Variants in MAGI2 observed in about 807,000 individuals in gnomAD.
MAGI2 encodes membrane-associated guanylate kinase, WW and PDZ domain-containing protein 2.
MAGI2 carries 35 observed loss-of-function variants against 133.3 expected under a neutral mutation model. That is an observed-to-expected ratio of 0.26 (90% CI 0.20 to 0.35). The LOEUF is 0.35. Among genes scored for constraint, MAGI2 ranks in the 10% least tolerant of loss-of-function variants. MAGI2 has a pLI of 1.00. For missense variants in MAGI2, 1,636 were observed against 1,863.4 expected (o/e 0.88, Z 2.25); for synonymous variants, 729 against 710.6 (o/e 1.03, Z -0.41).
At chr7:78,204,238 A>ATTTC in intron 10 of MAGI2, among the ~76,000 whole-genome samples, 1 of 152,302 alleles carries the variant, frequency 6.6e-6, no homozygotes, top group East Asian at 1.9e-4. Flanking sequence ...TGCTTGCTAA[A>ATTTC]TTTCGCCTTT....
At chr7:78,565,329 G>T (rs1344675500) in intron 3 of MAGI2, among the ~76,000 whole-genome samples, 2 of 151,966 alleles carry the variant, frequency 1.3e-5, no homozygotes, top group Non-Finnish European at 2.9e-5. Context: ...GTGGGGCATG[G>T]TGGCATGCTC....
At chr7:78,453,671 A>G (rs1788977962) in intron 6 of MAGI2, among the ~76,000 whole-genome samples, 1 of 152,170 alleles carries the variant, frequency 6.6e-6, no homozygotes, top group Admixed American at 6.5e-5. Flanking sequence ...CTGAACAGTT[A>G]TCATGTGTCA....
rs11421346 is a variant in MAGI2, at chr7:79,055,285, C to CTT, written c.302-48081_302-48080dup. Among the ~76,000 whole-genome samples, 1,263 of 148,500 alleles carry CTT rather than the reference C, an allele frequency of 8.5e-3. 36 individuals are homozygous for CTT. Among genetic ancestry groups the CTT allele is most frequent in the Admixed American group, 0.058 (868 of 14,920 alleles). On this transcript the variant is annotated intron_variant, in intron 1 of 21. Transcript: ENST00000354212. The stretch of plus-strand genomic sequence containing the variant: ...AAACATAAACTTTGTAAGGGCATGC[C>CTT]TTTTTTTTTTTAACTGTTTACTGAT...
chr7:78,258,806 C>A (rs530177379), intron 9 of MAGI2, among the ~76,000 whole-genome samples: 3 of 152,054 alleles, frequency 2.0e-5, no homozygotes, highest in Non-Finnish European at 4.4e-5. Context: ...TTAGTGATGG[C>A]TATATTACTA....
chr7:79,034,197 T>C (rs17151881), intron 1 of MAGI2, among the ~76,000 whole-genome samples: 53,942 of 151,206 alleles, frequency 0.36, 9,809 homozygotes, highest in African/African-American at 0.44. Flanking sequence ...AGGCTGATGA[T>C]ATTGCATAAA....
At chr7:78,539,434 T>C (rs1798228221) in intron 3 of MAGI2, among the ~76,000 whole-genome samples, 1 of 152,160 alleles carries the variant, frequency 6.6e-6, no homozygotes, top group Non-Finnish European at 1.5e-5. Context: ...TGTTGAGAAT[T>C]TTTGTATCTA....
At chr7:78,151,943 A>G (rs1166692604) in intron 16 of MAGI2, among the ~76,000 whole-genome samples, 1 of 152,192 alleles carries the variant, frequency 6.6e-6, no homozygotes, top group East Asian at 1.9e-4. Flanking sequence ...CATAAATGGC[A>G]TGAAAATCCT....
intron 2 of MAGI2, among the ~76,000 whole-genome samples, chr7:78,668,021 C>T (rs321988): frequency 0.9 from 136,689 of 152,098 alleles, 61,634 homozygotes; most frequent in East Asian, 1. Flanking sequence ...TGTAAAAGTG[C>T]TCCTATTTCT....
At chr7:78,115,828 A>C (rs1305778359) in intron 20 of MAGI2, among the ~76,000 whole-genome samples, 1 of 152,244 alleles carries the variant, frequency 6.6e-6, no homozygotes, top group East Asian at 1.9e-4. Context: ...TCCATCAAAA[A>C]AAGTCAACTG....
intron 6 of MAGI2, among the ~76,000 whole-genome samples, chr7:78,377,841 AG>A (rs1794592054): frequency 1.3e-5 from 2 of 151,370 alleles, no homozygotes; most frequent in Admixed American, 6.6e-5. Flanking sequence ...AAAAAAAAAG[AG>A]CAGACTATTT....
intron 1 of MAGI2, among the ~76,000 whole-genome samples, chr7:79,091,966 T>G (rs1394379846): frequency 1.3e-5 from 2 of 152,088 alleles, no homozygotes; most frequent in African/African-American, 4.8e-5. Flanking sequence ...TTGCTGATTC[T>G]GTTGTAAACC....
intron 9 of MAGI2, among the ~76,000 whole-genome samples, chr7:78,297,391 C>G (rs1797368609): frequency 6.6e-6 from 1 of 152,054 alleles, no homozygotes; most frequent in Non-Finnish European, 1.5e-5. Flanking sequence ...GGACTGCAAA[C>G]TAGTTCAACC....
intron 4 of MAGI2, among the ~76,000 whole-genome samples, chr7:78,506,217 G>A (rs771570926): frequency 6.6e-6 from 1 of 152,100 alleles, no homozygotes; most frequent in Admixed American, 6.5e-5. Flanking sequence ...TTAGAGGGTA[G>A]ATTTTATAAC....
chr7:78,980,808 T>C (rs569569946), intron 2 of MAGI2, among the ~76,000 whole-genome samples: 1 of 151,928 alleles, frequency 6.6e-6, no homozygotes, highest in East Asian at 1.9e-4. Flanking sequence ...TTGGAGTATA[T>C]TGTTTACTAG....
rs544244979 is a variant in MAGI2 at position 78,568,934 on chromosome 7, C to G, written c.539-47289G>C. The stretch of plus-strand genomic sequence containing the variant: ...CCTGACTTCCTTGCTATTCCTTGAC[C>G]GTTCTGCACATGCTCTTCCCTCAGG... On this transcript the variant is annotated intron_variant, in intron 3 of 21. Coordinates refer to ENST00000354212, the MANE Select transcript of MAGI2 (RefSeq NM_012301.4). Among the ~76,000 whole-genome samples, 3 of 152,218 alleles carry G rather than the reference C, an allele frequency of 2.0e-5. No individual in the cohort carries two copies. The East Asian group carries it at 5.8e-4, about 29-fold the overall frequency.
chr7:78,286,609 G>C lies in MAGI2; in HGVS notation c.1409-30028C>G, dbSNP rs1237102153. Among the ~76,000 whole-genome samples, 3 of 152,078 alleles carry C rather than the reference G, an allele frequency of 2.0e-5. No individual in the cohort carries two copies. The East Asian group carries it at 5.8e-4, about 29-fold the overall frequency. ...TACTTGCAGGATTATGATAAACTTG[G>C]AGATGAGGACAATCATGAGAGTCCG... On this transcript the variant is annotated intron_variant, in intron 9 of 21. Transcript: ENST00000354212.
At chr7:79,295,641 C>T (rs1384313836) in intron 1 of MAGI2, among the ~76,000 whole-genome samples, 1 of 151,738 alleles carries the variant, frequency 6.6e-6, no homozygotes, top group Non-Finnish European at 1.5e-5. Flanking sequence ...TATATCACTA[C>T]TTCATTTACC....
chr7:78,574,842 A>G (rs1584702838), intron 3 of MAGI2, among the ~76,000 whole-genome samples: 1 of 152,218 alleles, frequency 6.6e-6, no homozygotes, highest in African/African-American at 2.4e-5. Context: ...ATGACGGTGA[A>G]TAACTGTTTT....
intron 1 of MAGI2, among the ~76,000 whole-genome samples, chr7:79,009,701 C>T (rs1397312072): frequency 6.6e-6 from 1 of 152,042 alleles, no homozygotes; most frequent in Admixed American, 6.6e-5. Context: ...TCCTAACTGC[C>T]CTTGCAGCTT....
Sources: allele counts gnomAD v4.1 joint callset (sites outside exome capture counted in the v4.1 genomes callset), GRCh38; gene constraint gnomAD v4.1.1; transcripts MANE v1.5; gene names NCBI Gene and HGNC (gene_info 2026-07-23, HGNC 2026-07-21).